Variants in NRXN1 observed in about 807,000 individuals in gnomAD.
NRXN1 encodes the protein neurexin 1.
In NRXN1, 39 loss-of-function variants were observed where a neutral mutation model predicts 150.9. The observed-to-expected ratio is 0.26, with a 90% CI of 0.20 to 0.34. NRXN1 has a LOEUF of 0.34. NRXN1 is among the 10% of genes least tolerant of loss of function. The pLI, the probability that NRXN1 is intolerant of heterozygous loss-of-function variation, is 1.00. For missense variants in NRXN1, 1,815 were observed against 1,949.9 expected (o/e 0.93, Z 1.30); for synonymous variants, 924 against 757.0 (o/e 1.22, Z -3.62).
intron 21 of NRXN1, chr2:49,972,809 C>T (rs1678178796): frequency 6.6e-6 from 1 of 152,152 alleles, no homozygotes; most frequent in Non-Finnish European, 1.5e-5. Context: ...GCAATCAGAA[C>T]TTCCCTTGAA....
intron 19 of NRXN1, among the ~76,000 whole-genome samples, chr2:50,078,119 T>C (rs1175226671): frequency 6.6e-6 from 1 of 152,228 alleles, no homozygotes; most frequent in East Asian, 1.9e-4. Flanking sequence ...TTTGTCATTC[T>C]GTCTTAATTA....
intron 21 of NRXN1, among the ~76,000 whole-genome samples, chr2:50,015,589 TC>T (rs1238750068): frequency 6.9e-6 from 1 of 145,474 alleles, no homozygotes; most frequent in Non-Finnish European, 1.5e-5. Flanking sequence ...GTGTGTGGCC[TC>T]TGTTTACCCT....
At chr2:50,177,500 T>C (rs2060423548) in intron 18 of NRXN1, among the ~76,000 whole-genome samples, 1 of 151,724 alleles carries the variant, frequency 6.6e-6, no homozygotes. Flanking sequence ...TATATTACTT[T>C]TATATAAATA....
chr2:50,414,799 G>A (rs1341946086), intron 17 of NRXN1, among the ~76,000 whole-genome samples: 1 of 152,016 alleles, frequency 6.6e-6, no homozygotes, highest in Non-Finnish European at 1.5e-5. Context: ...ATTTTAAAGT[G>A]CATCAATTTT....
chr2:50,053,231 A>T, intron 21 of NRXN1, 40 bp downstream of exon 21: 1 of 1,601,470 alleles, frequency 6.2e-7, no homozygotes, highest in Non-Finnish European at 8.6e-7. Flanking sequence ...ATCATAAATA[A>T]TATAGGATGA....
At chr2:50,205,428 C>G (rs749869587) in intron 18 of NRXN1, among the ~76,000 whole-genome samples, 5 of 152,074 alleles carry the variant, frequency 3.3e-5, no homozygotes, top group African/African-American at 1.2e-4. Flanking sequence ...CAGAAGACTA[C>G]ATGAAGGCAG....
At chr2:50,918,824 T>C (rs962133607) in intron 5 of NRXN1, 1 of 248,392 alleles carries the variant, frequency 4.0e-6, no homozygotes, top group Non-Finnish European at 7.6e-6. Flanking sequence ...AACAACATCA[T>C]TGACAAATTT....
intron 2 of NRXN1, among the ~76,000 whole-genome samples, chr2:50,978,107 T>C (rs1477075159): frequency 6.6e-6 from 1 of 150,834 alleles, no homozygotes; most frequent in Non-Finnish European, 1.5e-5. Context: ...TTAAATATTC[T>C]TTAACTGTTC....
At chr2:50,139,093 A>C (rs1447848924) in intron 18 of NRXN1, among the ~76,000 whole-genome samples, 1 of 152,204 alleles carries the variant, frequency 6.6e-6, no homozygotes, top group Non-Finnish European at 1.5e-5. Context: ...TGGGAGGCCA[A>C]GGTGGGCAGA....
chr2:50,036,783 G>A (rs1690109507), intron 21 of NRXN1, among the ~76,000 whole-genome samples: 1 of 152,150 alleles, frequency 6.6e-6, no homozygotes, highest in Non-Finnish European at 1.5e-5. Flanking sequence ...TTTCACTCAT[G>A]GGATTCTGTG....
intron 21 of NRXN1, chr2:50,024,248 C>T (rs765220576): frequency 5.9e-5 from 9 of 152,194 alleles, no homozygotes; most frequent in Non-Finnish European, 8.8e-5. Flanking sequence ...ACATTAGGAA[C>T]TGAGACTGAA....
At chr2:50,602,175 T>C (rs1676380579) in intron 8 of NRXN1, among the ~76,000 whole-genome samples, 1 of 152,148 alleles carries the variant, frequency 6.6e-6, no homozygotes, top group South Asian at 2.1e-4. Context: ...TCAATGAGAT[T>C]TGGAAAATTC....
chr2:50,789,219 A>C (rs948483713), intron 5 of NRXN1, among the ~76,000 whole-genome samples: 1 of 152,192 alleles, frequency 6.6e-6, no homozygotes, highest in Non-Finnish European at 1.5e-5. Flanking sequence ...CCAAAACCTG[A>C]TTCATGGCTG....
chr2:50,247,177 A>T (rs2152893334), intron 17 of NRXN1, among the ~76,000 whole-genome samples: 1 of 152,230 alleles, frequency 6.6e-6, no homozygotes, highest in South Asian at 2.1e-4. Flanking sequence ...AGATTGCCTA[A>T]ATTATTCTGA....
chr2:50,622,860 G>A (rs893181679), intron 6 of NRXN1, among the ~76,000 whole-genome samples: 3 of 152,074 alleles, frequency 2.0e-5, no homozygotes, highest in Non-Finnish European at 4.4e-5. Flanking sequence ...TCCCCATTTT[G>A]GGGTTGGGAG....
intron 21 of NRXN1, among the ~76,000 whole-genome samples, chr2:50,040,906 T>C (rs1227052052): frequency 2.0e-5 from 3 of 152,192 alleles, no homozygotes; most frequent in African/African-American, 7.2e-5. Context: ...AGGGTACATG[T>C]GCACAATGTG....
chr2:50,326,116 G>GT (rs906546536), intron 17 of NRXN1, among the ~76,000 whole-genome samples: 87 of 151,902 alleles, frequency 5.7e-4, no homozygotes, highest in African/African-American at 2.0e-3. Context: ...ACACGATTTT[G>GT]TTTTTTTCAT....
At chr2:50,167,890 G>C (rs1325494929) in intron 18 of NRXN1, among the ~76,000 whole-genome samples, 1 of 152,144 alleles carries the variant, frequency 6.6e-6, no homozygotes, top group Admixed American at 6.5e-5. Flanking sequence ...TCTGAAGAAA[G>C]ACAACCATGA....
chr2:50,940,676 G>C (rs1461259146), intron 2 of NRXN1, among the ~76,000 whole-genome samples: 2 of 152,046 alleles, frequency 1.3e-5, no homozygotes, highest in Non-Finnish European at 2.9e-5. Flanking sequence ...AGTACAACTT[G>C]GCTAAAGTTT....
Sources: gnomAD v4.1 joint callset for allele counts (sites outside exome capture counted in the v4.1 genomes callset) on GRCh38, gnomAD v4.1.1 for gene constraint, MANE v1.5 for transcripts, NCBI Gene and HGNC (gene_info 2026-07-23, HGNC 2026-07-21) for gene names.